The following TBC1D26 variants were observed in gnomAD, a reference collection of about 807,000 sequenced individuals.
TBC1D26 encodes TBC1 domain family member 26, also known as TBC1 domain family, member 26.
A neutral mutation model predicts 42.5 loss-of-function variants in TBC1D26; 19 were observed. That is an observed-to-expected ratio of 0.45 (90% CI 0.31 to 0.66). TBC1D26 has a LOEUF of 0.66. TBC1D26 is among the 30% of genes least tolerant of loss of function. TBC1D26 has a pLI of 0.06. For missense variants in TBC1D26, 228 were observed against 332.6 expected, an observed-to-expected ratio of 0.69 and a Z score of 2.45; for synonymous variants, 97 against 123.5, an observed-to-expected ratio of 0.79 and a Z score of 1.42.
intron 9 of TBC1D26, chr17:15,740,848 C>A: frequency 4.9e-6 from 3 of 608,420 alleles, no homozygotes; most frequent in South Asian, 2.1e-5. Context: ...GGGGAGGGAG[C>A]ATGAACAATC....
chr17:15,742,179 GT>G, intron 11 of TBC1D26, 143 bp downstream of exon 11: 1 of 720,946 alleles, frequency 1.4e-6, no homozygotes, highest in South Asian at 1.9e-5. Context: ...TGGATTCAGC[GT>G]TGGGTTTCCT....
chr17:15,735,486 A>G, intron 3 of TBC1D26, 63 bp downstream of exon 3: 1 of 1,524,426 alleles, frequency 6.6e-7, no homozygotes, highest in Non-Finnish European at 8.9e-7. Flanking sequence ...TGCCCTGGTC[A>G]CAGGGTCCTG....
intron 5 of TBC1D26, 72 bp downstream of exon 5, chr17:15,737,595 G>A: frequency 6.3e-7 from 1 of 1,588,782 alleles, no homozygotes; most frequent in Non-Finnish European, 8.6e-7. Flanking sequence ...AAGGCAGAGG[G>A]GGTGGCCTGT....
At chr17:15,740,744 G>C (rs73978525) in intron 9 of TBC1D26, 6 of 1,073,088 alleles carry the variant, frequency 5.6e-6, no homozygotes, top group Admixed American at 4.7e-5. Context: ...GACCTTTTGT[G>C]TGGTGGTCAG....
rs1317681173 is a variant in TBC1D26, at chr17:15,738,065, G to A, written c.267G>A (p.Arg89=). 6.2e-7 allele frequency: 1 copy of A among 1,614,200 alleles called. No homozygotes were observed. Among genetic ancestry groups the A allele is most frequent in the Admixed American group, 1.7e-5 (1 of 60,022 alleles). The stretch of plus-strand genomic sequence containing the variant: ...TGCTTGCAGACTGGACAAAATATAG[G>A]AGCACCAAGAAGGTAACATGGGGAG... ...QKMLADWTKY[R]STKKLSQRVY... Residue 89 remains arginine, a synonymous_variant, in exon 6 of 15, where the codon AGG becomes AGA. Coordinates refer to ENST00000437605, the MANE Select transcript of TBC1D26 (RefSeq NM_001388465.1).
intron 9 of TBC1D26, chr17:15,740,560 C>T: frequency 8.7e-7 from 1 of 1,149,764 alleles, no homozygotes; most frequent in East Asian, 5.3e-5. Context: ...TTGCCTGAAC[C>T]CCATAGGAGC....
intron 9 of TBC1D26, chr17:15,740,472 G>A: frequency 7.6e-7 from 1 of 1,310,220 alleles, no homozygotes. Flanking sequence ...GATGGGCCAG[G>A]CACTTGTCAT....
At chr17:15,743,635 C>G (rs1967850914) in intron 14 of TBC1D26, 119 bp downstream of exon 14, 1 of 225,742 alleles carries the variant, frequency 4.4e-6, no homozygotes, top group African/African-American at 2.3e-5. Context: ...TCTTCCTCCT[C>G]TTCCTCCTCT....
At chr17:15,741,897 T>G (rs761078651) in intron 10 of TBC1D26, 45 bp from the exon 11 acceptor site, 3 of 1,597,198 alleles carry the variant, frequency 1.9e-6, no homozygotes, top group African/African-American at 1.3e-5. Context: ...GCCTCCACAT[T>G]TTGGGCGTGG....
At chr17:15,739,748 G>T (rs1481666161) in intron 8 of TBC1D26, among the ~76,000 whole-genome samples, 1 of 152,292 alleles carries the variant, frequency 6.6e-6, no homozygotes, top group Non-Finnish European at 1.5e-5. Flanking sequence ...CGCTCTGGGA[G>T]GGGCTGCAGT....
chr17:15,737,996 G>A lies in TBC1D26; in HGVS notation c.199-1G>A. ...TAACTCCATCATGGCTCATTTGACA[G>A]CAAAGACGCAAGGAAAGTAAACGTA... is the stretch of plus-strand genomic sequence containing the variant. On this transcript the variant is annotated splice_acceptor_variant, in intron 5 of 14. Coordinates refer to ENST00000437605, the MANE Select transcript of TBC1D26 (RefSeq NM_001388465.1). LOFTEE classifies it high-confidence loss of function. 1 of 1,614,106 alleles carries A rather than the reference G, an allele frequency of 6.2e-7. No homozygotes were observed. Among genetic ancestry groups the A allele is most frequent in the South Asian group, 1.1e-5 (1 of 91,072 alleles).
chr17:15,737,946 A>G (rs1399249876), intron 5 of TBC1D26, 51 bp from the exon 6 acceptor site: 1 of 1,613,012 alleles, frequency 6.2e-7, no homozygotes, highest in East Asian at 2.2e-5. Context: ...TCCACGGGCC[A>G]CTGTCAGACG....
At chr17:15,741,533 G>T (rs1467224904) in intron 10 of TBC1D26, 5 of 480,416 alleles carry the variant, frequency 1.0e-5, no homozygotes, top group Non-Finnish European at 1.9e-5. Flanking sequence ...ACCTCCCTGA[G>T]TGTCTTCCTG....
intron 8 of TBC1D26, among the ~76,000 whole-genome samples, chr17:15,739,320 C>T (rs1441928073): frequency 6.6e-6 from 1 of 152,130 alleles, no homozygotes; most frequent in East Asian, 1.9e-4. Flanking sequence ...TCGTACCACA[C>T]ATCCCCAAAG....
At chr17:15,741,340 T>C in intron 10 of TBC1D26, 119 bp downstream of exon 10, 1 of 1,556,824 alleles carries the variant, frequency 6.4e-7, no homozygotes, top group South Asian at 1.2e-5. Flanking sequence ...CTGCCTTGTA[T>C]CCCAGCTTGT....
chr17:15,737,700 A>G (rs1967656087), intron 5 of TBC1D26, 177 bp downstream of exon 5: 17 of 1,030,830 alleles, frequency 1.6e-5, no homozygotes, highest in Non-Finnish European at 2.1e-5. Context: ...CCAAAACCCA[A>G]ACCAAGAACT....
Position 15,741,102 on chromosome 17 carries a change from G to T in TBC1D26, c.547-20G>T. 4 of 1,606,688 alleles carry T rather than the reference G, an allele frequency of 2.5e-6. No homozygotes were observed. The highest frequency in any genetic ancestry group is 2.5e-6 in the Non-Finnish European group (3 of 1,179,744). ...GTCCTCCTAGGTGACATCTTTCCAC[G>T]GTGACTCTGGCTCTTGCAGGAGGTG... On this transcript the variant is annotated intron_variant, in intron 9 of 14. Transcript: ENST00000437605.
chr17:15,740,871 C>T (rs1967757933), intron 9 of TBC1D26: 1 of 640,678 alleles, frequency 1.6e-6, no homozygotes, highest in African/African-American at 1.8e-5. Context: ...TGACTGTGCC[C>T]TTTCGGGCCA....
intron 4 of TBC1D26, among the ~76,000 whole-genome samples, chr17:15,736,909 G>A (rs1294388053): frequency 6.6e-6 from 1 of 152,262 alleles, no homozygotes; most frequent in East Asian, 1.9e-4. Flanking sequence ...TCTGGGCTGG[G>A]CAGGATGGGG....
Sources: gnomAD v4.1 joint callset for allele counts (sites outside exome capture counted in the v4.1 genomes callset) on GRCh38, gnomAD v4.1.1 for gene constraint, MANE v1.5 for transcripts, NCBI Gene and HGNC (gene_info 2026-07-23, HGNC 2026-07-21) for gene names.